The following PRKG1 variants were observed in gnomAD, a reference collection of about 807,000 sequenced individuals.
The protein encoded by PRKG1 is protein kinase cGMP-dependent 1.
A neutral mutation model predicts 88.1 loss-of-function variants in PRKG1; 35 were observed. That is an observed-to-expected ratio of 0.40 (90% confidence interval 0.30 to 0.53). PRKG1 has a LOEUF of 0.53. Among genes scored for constraint, PRKG1 ranks in the 20% least tolerant of loss-of-function variants. The probability of loss-of-function intolerance (pLI) is 0.59; values close to 1 mark genes in which losing one functional copy is unlikely to be tolerated. For missense variants in PRKG1, 540 were observed against 839.8 expected (o/e 0.64, Z 4.41); for synonymous variants, 303 against 292.5 (o/e 1.04, Z -0.37).
At chr10:51,372,822 G>C (rs2132611712) in intron 2 of PRKG1, among the ~76,000 whole-genome samples, 1 of 151,996 alleles carries the variant, frequency 6.6e-6, no homozygotes, top group Non-Finnish European at 1.5e-5. Context: ...TAAATATGGT[G>C]GTTTAAATTT....
chr10:51,023,260 T>C (rs1843163495), intron 1 of PRKG1, among the ~76,000 whole-genome samples: 1 of 152,208 alleles, frequency 6.6e-6, no homozygotes, highest in Non-Finnish European at 1.5e-5. Context: ...CACTTTATGA[T>C]TTTAACTGCC....
intron 3 of PRKG1, among the ~76,000 whole-genome samples, chr10:51,568,108 GA>G (rs372690466): frequency 3.2e-4 from 47 of 148,412 alleles, no homozygotes; most frequent in African/African-American, 5.4e-4. Context: ...GTCCTCCCAA[GA>G]AAAAAAAAAT....
chr10:51,979,214 T>A (rs1021806145), intron 5 of PRKG1, among the ~76,000 whole-genome samples: 1 of 151,978 alleles, frequency 6.6e-6, no homozygotes, highest in African/African-American at 2.4e-5. Flanking sequence ...TCTATTGAGA[T>A]CATGTAGTTT....
intron 3 of PRKG1, among the ~76,000 whole-genome samples, chr10:51,727,220 A>G (rs767883170): frequency 9.2e-5 from 14 of 151,498 alleles, no homozygotes; most frequent in Non-Finnish European, 1.9e-4. Context: ...ACGGGAGGAT[A>G]CCTGGAGTCC....
chr10:51,260,982 GTAAC>G (rs1275811375), intron 2 of PRKG1, among the ~76,000 whole-genome samples: 1 of 151,972 alleles, frequency 6.6e-6, no homozygotes, highest in Non-Finnish European at 1.5e-5. Flanking sequence ...AAAATATGTC[GTAAC>G]TTAAACTGGC....
At chr10:52,105,730 A>C (rs181450939) in intron 7 of PRKG1, among the ~76,000 whole-genome samples, 3 of 152,138 alleles carry the variant, frequency 2.0e-5, no homozygotes, top group Admixed American at 1.3e-4. Context: ...TCCAGGTATT[A>C]AGCTTAGTAC....
chr10:52,012,650 G>T (rs1461426839), intron 5 of PRKG1, among the ~76,000 whole-genome samples: 3 of 152,110 alleles, frequency 2.0e-5, no homozygotes, highest in African/African-American at 4.8e-5. Context: ...GCCTCCCAAA[G>T]TACTGGGATT....
chr10:52,112,976 G>T (rs1432401255), intron 7 of PRKG1, among the ~76,000 whole-genome samples: 1 of 152,138 alleles, frequency 6.6e-6, no homozygotes, highest in Non-Finnish European at 1.5e-5. Flanking sequence ...ACCTGAATTT[G>T]CATCCATGCT....
chr10:51,394,492 T>C (rs1005395197), intron 2 of PRKG1, among the ~76,000 whole-genome samples: 2 of 152,168 alleles, frequency 1.3e-5, no homozygotes, highest in African/African-American at 4.8e-5. Flanking sequence ...TCCTGTTGAT[T>C]AGCAAGCAAC....
At chr10:51,165,615 G>T (rs1846516472) in intron 2 of PRKG1, among the ~76,000 whole-genome samples, 1 of 152,048 alleles carries the variant, frequency 6.6e-6, no homozygotes, top group Non-Finnish European at 1.5e-5. Flanking sequence ...TGGATAAAGA[G>T]TCAAGACCCA....
At chr10:51,053,801 A>G (rs1428257740) in intron 1 of PRKG1, among the ~76,000 whole-genome samples, 1 of 149,258 alleles carries the variant, frequency 6.7e-6, no homozygotes, top group Non-Finnish European at 1.5e-5. Context: ...TTAACTTTTG[A>G]ATATATTGAG....
At chr10:51,280,144 G>A (rs1180438844) in intron 2 of PRKG1, among the ~76,000 whole-genome samples, 4 of 152,116 alleles carry the variant, frequency 2.6e-5, no homozygotes, top group Non-Finnish European at 4.4e-5. Flanking sequence ...GCTTAGTTTG[G>A]CTGGATATGA....
chr10:51,679,051 A>G (rs1160941969), intron 3 of PRKG1, among the ~76,000 whole-genome samples: 1 of 152,198 alleles, frequency 6.6e-6, no homozygotes, highest in Non-Finnish European at 1.5e-5. Flanking sequence ...GTATTAGGCT[A>G]GATATTTAGA....
intron 3 of PRKG1, among the ~76,000 whole-genome samples, chr10:51,781,639 T>C (rs1838591167): frequency 6.6e-6 from 1 of 152,120 alleles, no homozygotes; most frequent in Non-Finnish European, 1.5e-5. Context: ...TATTCCCCTT[T>C]AGAAAACAAG....
At chr10:51,973,987 TGAA>T (rs1295233302) in intron 5 of PRKG1, among the ~76,000 whole-genome samples, 1 of 152,148 alleles carries the variant, frequency 6.6e-6, no homozygotes, top group Admixed American at 6.6e-5. Flanking sequence ...TTTCCACAAA[TGAA>T]GTTATTTTGG....
intron 3 of PRKG1, among the ~76,000 whole-genome samples, chr10:51,754,209 A>C (rs182830890): frequency 1.3e-5 from 2 of 152,092 alleles, no homozygotes; most frequent in African/African-American, 4.8e-5. Context: ...CTCTTTTCTG[A>C]CCCAACTTAG....
At chr10:51,579,808 A>G (rs1156621651) in intron 3 of PRKG1, among the ~76,000 whole-genome samples, 1 of 152,102 alleles carries the variant, frequency 6.6e-6, no homozygotes, top group African/African-American at 2.4e-5. Flanking sequence ...GATTTTAGCA[A>G]TCCTCACAAT....
chr10:52,073,105 G>A (rs990174959), intron 7 of PRKG1, among the ~76,000 whole-genome samples: 2 of 152,084 alleles, frequency 1.3e-5, no homozygotes, highest in African/African-American at 4.8e-5. Flanking sequence ...GGCATTTTTT[G>A]TCTTGGAGCT....
At chr10:51,586,171 G>A (rs968329285) in intron 3 of PRKG1, among the ~76,000 whole-genome samples, 2 of 152,236 alleles carry the variant, frequency 1.3e-5, no homozygotes, top group Non-Finnish European at 2.9e-5. Context: ...AAAAAGACAG[G>A]TGATGTTGGC....
Sources: allele counts gnomAD v4.1 joint callset (sites outside exome capture counted in the v4.1 genomes callset), GRCh38; gene constraint gnomAD v4.1.1; transcripts MANE v1.5; gene names NCBI Gene and HGNC (gene_info 2026-07-23, HGNC 2026-07-21).